The following SMAD1 variants were observed in gnomAD, a reference collection of about 807,000 sequenced individuals.
The protein encoded by SMAD1 is SMAD family member 1, also known as MAD, mothers against decapentaplegic homolog 1.
A neutral mutation model predicts 41.6 loss-of-function variants in SMAD1; 6 were observed. That is an observed-to-expected ratio of 0.14 (90% confidence interval 0.08 to 0.28). The LOEUF (loss-of-function observed/expected upper bound fraction) is 0.28, where lower values mean the gene tolerates loss of function less well. SMAD1 is among the 10% of genes least tolerant of loss of function. The pLI, the probability that SMAD1 is intolerant of heterozygous loss-of-function variation, is 1.00. For synonymous variants in SMAD1, 206 were observed against 203.2 expected, an observed-to-expected ratio of 1.01 and a Z score of -0.12; for missense variants, 379 against 582.6, an observed-to-expected ratio of 0.65 and a Z score of 3.60.
chr4:145,543,457 T>TA (rs1412159597), intron 4 of SMAD1, among the ~76,000 whole-genome samples: 4 of 152,324 alleles, frequency 2.6e-5, no homozygotes, highest in African/African-American at 9.6e-5. Flanking sequence ...TATGTGCAAC[T>TA]ACAACTGGAA....
At chr4:145,553,281 G>T (rs550954284) in intron 5 of SMAD1, among the ~76,000 whole-genome samples, 1 of 98,798 alleles carries the variant, frequency 1.0e-5, no homozygotes, top group Non-Finnish European at 2.2e-5. Context: ...TAAGTAATGC[G>T]GTTAACTAAG....
chr4:145,513,891 C>T (rs1730230632), intron 1 of SMAD1, among the ~76,000 whole-genome samples: 1 of 152,210 alleles, frequency 6.6e-6, no homozygotes, highest in South Asian at 2.1e-4. Flanking sequence ...TCAGTTTACT[C>T]ATCTGTAAAG....
chr4:145,515,157 T>C, intron 2 of SMAD1, 144 bp downstream of exon 2: 1 of 708,216 alleles, frequency 1.4e-6, no homozygotes, highest in Non-Finnish European at 2.3e-6. Context: ...TGTGTGTGTG[T>C]GTGTGTGTGT....
intron 2 of SMAD1, among the ~76,000 whole-genome samples, chr4:145,531,350 C>A (rs1029610281): frequency 6.6e-6 from 1 of 152,222 alleles, no homozygotes; most frequent in Non-Finnish European, 1.5e-5. Context: ...CTGGGGACAT[C>A]TGTCTCGTGT....
At chr4:145,535,472 G>T (rs1731559434) in intron 2 of SMAD1, among the ~76,000 whole-genome samples, 1 of 152,178 alleles carries the variant, frequency 6.6e-6, no homozygotes, top group South Asian at 2.1e-4. Flanking sequence ...CTTTGGTGTT[G>T]TTATCTGTCA....
chr4:145,484,780 A>T (rs1728384637), intron 1 of SMAD1: 1 of 152,204 alleles, frequency 6.6e-6, no homozygotes. Flanking sequence ...TTTGAATTTA[A>T]CTTGGCCTTA....
intron 5 of SMAD1, among the ~76,000 whole-genome samples, chr4:145,549,953 T>C (rs1009703725): frequency 6.6e-6 from 1 of 152,170 alleles, no homozygotes; most frequent in Non-Finnish European, 1.5e-5. Flanking sequence ...AAAGACATAC[T>C]TTTCGTTAAA....
intron 1 of SMAD1, among the ~76,000 whole-genome samples, chr4:145,496,707 G>C (rs1729097992): frequency 6.6e-6 from 1 of 152,090 alleles, no homozygotes; most frequent in Non-Finnish European, 1.5e-5. Flanking sequence ...GTATTGGGTG[G>C]TGGGGTCTGG....
At chr4:145,529,127 T>A (rs1452923460) in intron 2 of SMAD1, among the ~76,000 whole-genome samples, 2 of 152,202 alleles carry the variant, frequency 1.3e-5, no homozygotes, top group Non-Finnish European at 2.9e-5. Flanking sequence ...CCCTAGTTAA[T>A]CGGCTAGTAA....
chr4:145,550,266 G>T (rs1732483027), intron 5 of SMAD1, among the ~76,000 whole-genome samples: 1 of 152,066 alleles, frequency 6.6e-6, no homozygotes. Flanking sequence ...TAATTCCAGT[G>T]CTTTGGGAGG....
intron 2 of SMAD1, among the ~76,000 whole-genome samples, chr4:145,526,938 A>C (rs1019223474): frequency 5.3e-5 from 8 of 152,156 alleles, no homozygotes; most frequent in African/African-American, 1.7e-4. Context: ...GAGTGGTTAC[A>C]TCTACTTTTC....
chr4:145,544,604 A>T (rs939456291), intron 4 of SMAD1: 1 of 152,182 alleles, frequency 6.6e-6, no homozygotes, highest in Non-Finnish European at 1.5e-5. Context: ...GAAAAAAAAA[A>T]TTGGTGATAA....
rs1730262306 is a variant in SMAD1 at position 145,514,413 on chromosome 4, TAA to T, written c.-176-24_-176-23del. 1.9e-6 allele frequency: 1 copy of T among 525,310 alleles called. No homozygotes were observed. Among genetic ancestry groups the T allele is most frequent in the Admixed American group, 3.6e-5 (1 of 27,954 alleles). 32.5% of individuals were successfully genotyped at this position (525,310 alleles called of 1,614,324 possible). A position where few individuals can be genotyped will look rare whatever the true frequency, so the allele number is the denominator to read the frequency against. On this transcript the variant is annotated intron_variant, in intron 1 of 6. Transcript: ENST00000302085. The surrounding 1 kb of genome is among the most constrained non-coding windows in gnomAD (Gnocchi z 4.7). ...TGTGGTTGTATGGTAAAGATGATTCTAACCATTCTTTTTTTGTTTTGTAGGTG... is the reference window on the plus strand; with the variant it reads ...TGTGGTTGTATGGTAAAGATGATTCTCCATTCTTTTTTTGTTTTGTAGGTG...
chr4:145,550,736 G>C (rs890113396), intron 5 of SMAD1, among the ~76,000 whole-genome samples: 6 of 151,972 alleles, frequency 3.9e-5, no homozygotes, highest in African/African-American at 1.5e-4. Context: ...CTTTAATCTG[G>C]TAATAACCAG....
chr4:145,500,990 A>AT (rs2126330617), intron 1 of SMAD1, among the ~76,000 whole-genome samples: 1 of 152,194 alleles, frequency 6.6e-6, no homozygotes, highest in East Asian at 1.9e-4. Flanking sequence ...TACAGCTACT[A>AT]AGTGGACAGC....
intron 1 of SMAD1, among the ~76,000 whole-genome samples, chr4:145,502,046 G>T (rs148584368): frequency 1.7e-4 from 26 of 152,242 alleles, no homozygotes; most frequent in Admixed American, 4.6e-4. Context: ...GTCTAAAATT[G>T]CTATTTTAGG....
chr4:145,524,055 A>C (rs1461354782), intron 2 of SMAD1, among the ~76,000 whole-genome samples: 1 of 152,188 alleles, frequency 6.6e-6, no homozygotes, highest in East Asian at 1.9e-4. Context: ...ATGAGCTACC[A>C]TGCTCAGTCT....
At chr4:145,546,068 A>G (rs1280423942) in intron 4 of SMAD1, 1 of 152,708 alleles carries the variant, frequency 6.5e-6, no homozygotes, top group Non-Finnish European at 1.5e-5. Flanking sequence ...GATGAGAAAG[A>G]TATGATTCAT....
chr4:145,486,251 A>G (rs1438534957), intron 1 of SMAD1, among the ~76,000 whole-genome samples: 3 of 152,238 alleles, frequency 2.0e-5, no homozygotes, highest in Non-Finnish European at 4.4e-5. Flanking sequence ...ATCTGGCATG[A>G]AAATAATGCA....
Sources: allele counts gnomAD v4.1 joint callset (sites outside exome capture counted in the v4.1 genomes callset), GRCh38; gene constraint gnomAD v4.1.1; non-coding constraint Gnocchi (gnomAD v3.1); transcripts MANE v1.5; gene names NCBI Gene and HGNC (gene_info 2026-07-23, HGNC 2026-07-21).